Variants in CEP112 observed in about 807,000 individuals in gnomAD.
The protein encoded by CEP112 is centrosomal protein of 112 kDa.
CEP112 carries 127 observed loss-of-function variants against 153.0 expected under a neutral mutation model. The observed-to-expected ratio is 0.83, with a 90% CI of 0.72 to 0.96. The LOEUF is 0.96. Ranked by LOEUF, CEP112 falls within the 40% of genes least tolerant of loss-of-function variation. CEP112 has a pLI of 0.00. For missense variants in CEP112, 1,089 were observed against 1,101.2 expected (o/e 0.99, Z 0.16); for synonymous variants, 358 against 374.4 (o/e 0.96, Z 0.51).
intron 21 of CEP112, among the ~76,000 whole-genome samples, chr17:65,783,911 G>A (rs62065065): frequency 0.2 from 30,884 of 152,154 alleles, 3,260 homozygotes; most frequent in South Asian, 0.28. Context: ...AACAGCATGG[G>A]CTATGAAGTT....
chr17:65,755,402 A>C (rs1399613554), intron 21 of CEP112, among the ~76,000 whole-genome samples: 1 of 152,028 alleles, frequency 6.6e-6, no homozygotes, highest in Non-Finnish European at 1.5e-5. Context: ...TGATCCAACC[A>C]CTTCCCACCA....
At chr17:65,982,545 C>A (rs939469379) in intron 17 of CEP112, among the ~76,000 whole-genome samples, 4 of 152,158 alleles carry the variant, frequency 2.6e-5, no homozygotes, top group African/African-American at 9.7e-5. Context: ...CCTGGAAACC[C>A]TTTAAATAAT....
chr17:66,011,685 T>C (rs973171316), intron 16 of CEP112, among the ~76,000 whole-genome samples: 17 of 152,160 alleles, frequency 1.1e-4, no homozygotes, highest in Admixed American at 1.0e-3. Flanking sequence ...GAAGAATATA[T>C]ATTCTGTTGT....
At chr17:66,079,231 G>A (rs373816812) in intron 8 of CEP112, among the ~76,000 whole-genome samples, 7 of 152,268 alleles carry the variant, frequency 4.6e-5, no homozygotes, top group South Asian at 2.1e-4. Flanking sequence ...CCTGAGGTCA[G>A]TAGTTCGAGA....
At chr17:66,067,016 AACACACACACACACACAC>A (rs60964018) in intron 9 of CEP112, 139 bp from the exon 10 acceptor site, 17 of 264,972 alleles carry the variant, frequency 6.4e-5, no homozygotes, top group South Asian at 1.7e-4. Flanking sequence ...TGAAATTATA[AACACACACACACACACAC>A]ACACACACAC....
chr17:66,040,005 G>A (rs140582180), intron 12 of CEP112, among the ~76,000 whole-genome samples: 106 of 152,160 alleles, frequency 7.0e-4, no homozygotes, highest in African/African-American at 2.4e-3. Flanking sequence ...AAATAATGTG[G>A]CTATGAAAAC....
At chr17:65,930,945 AT>A (rs777425595) in intron 18 of CEP112, among the ~76,000 whole-genome samples, 4 of 152,162 alleles carry the variant, frequency 2.6e-5, no homozygotes, top group Non-Finnish European at 5.9e-5. Context: ...AACTGAATAA[AT>A]GCCTTCCTTC....
At chr17:66,189,109 A>C (rs563765076) in intron 1 of CEP112, among the ~76,000 whole-genome samples, 46 of 152,224 alleles carry the variant, frequency 3.0e-4, no homozygotes, top group Non-Finnish European at 6.0e-4. Flanking sequence ...TCATGAAATC[A>C]AGCACAAAGC....
chr17:66,094,163 G>A (rs1010251458), intron 8 of CEP112, among the ~76,000 whole-genome samples: 2 of 152,072 alleles, frequency 1.3e-5, no homozygotes, highest in Admixed American at 1.3e-4. Context: ...AGGTTCAAGC[G>A]ATTCTCCCGC....
intron 25 of CEP112, 62 bp from the exon 26 acceptor site, chr17:65,637,250 T>G (rs2044822512): frequency 1.9e-6 from 2 of 1,076,316 alleles, no homozygotes. Context: ...ATTGTGCAAA[T>G]AGTATGGTAA....
At chr17:65,826,201 T>C (rs750528224) in intron 21 of CEP112, 1 of 1,614,124 alleles carries the variant, frequency 6.2e-7, no homozygotes, top group Non-Finnish European at 8.5e-7. Context: ...CTGCCTGCTC[T>C]GTCTTGGGGA....
At chr17:65,954,560 A>G in intron 18 of CEP112, among the ~76,000 whole-genome samples, 1 of 152,184 alleles carries the variant, frequency 6.6e-6, no homozygotes, top group East Asian at 1.9e-4. Flanking sequence ...TATTAAGCGA[A>G]TCAAGGAGGC....
At chr17:66,038,344 T>G (rs1243791687) in intron 12 of CEP112, among the ~76,000 whole-genome samples, 1 of 152,180 alleles carries the variant, frequency 6.6e-6, no homozygotes, top group Non-Finnish European at 1.5e-5. Context: ...TGACGTCACT[T>G]ATTCATTTTA....
chr17:65,651,821 C>T (rs903338922), intron 24 of CEP112, among the ~76,000 whole-genome samples: 1 of 152,154 alleles, frequency 6.6e-6, no homozygotes, highest in Non-Finnish European at 1.5e-5. Flanking sequence ...CTGCCTCAGC[C>T]TCCTGAGTAG....
At chr17:65,776,521 G>A (rs549481427) in intron 21 of CEP112, among the ~76,000 whole-genome samples, 41 of 152,270 alleles carry the variant, frequency 2.7e-4, no homozygotes, top group African/African-American at 9.6e-4. Context: ...CACCGTGCCC[G>A]GCCAGCTGCC....
chr17:65,897,610 G>T (rs2143407708), intron 20 of CEP112, among the ~76,000 whole-genome samples: 1 of 152,108 alleles, frequency 6.6e-6, no homozygotes, highest in African/African-American at 2.4e-5. Context: ...CCTAGAATTT[G>T]CTAGGCTGTG....
chr17:65,638,527 G>A (rs997560189), intron 25 of CEP112, among the ~76,000 whole-genome samples: 6 of 152,146 alleles, frequency 3.9e-5, no homozygotes, highest in African/African-American at 1.4e-4. Flanking sequence ...TCTCAAAGTG[G>A]TCCTCCTGGT....
At chr17:65,917,898 T>C (rs550538464) in intron 19 of CEP112, among the ~76,000 whole-genome samples, 11 of 152,212 alleles carry the variant, frequency 7.2e-5, no homozygotes, top group Non-Finnish European at 1.2e-4. Context: ...GAAACCTGGC[T>C]GGGCGCGGTG....
chr17:65,693,553 C>T (rs1046734692), intron 23 of CEP112, among the ~76,000 whole-genome samples: 2 of 151,720 alleles, frequency 1.3e-5, no homozygotes, highest in South Asian at 2.1e-4. Context: ...GAAGTGGAAC[C>T]GTTGACAGGG....
Sources: allele counts gnomAD v4.1 joint callset (sites outside exome capture counted in the v4.1 genomes callset), GRCh38; gene constraint gnomAD v4.1.1; transcripts MANE v1.5; gene names NCBI Gene and HGNC (gene_info 2026-07-23, HGNC 2026-07-21).